UBL3: variants seen among roughly 807,000 people sequenced by gnomAD.
UBL3 encodes the protein ubiquitin like 3.
A neutral mutation model predicts 18.4 loss-of-function variants in UBL3; 6 were observed. The observed-to-expected ratio is 0.33, with a 90% CI of 0.18 to 0.64. UBL3 has a LOEUF of 0.64. Among genes scored for constraint, UBL3 ranks in the 30% least tolerant of loss-of-function variants. The probability of loss-of-function intolerance (pLI) is 0.76; values close to 1 mark genes in which losing one functional copy is unlikely to be tolerated. For synonymous variants in UBL3, 49 were observed against 46.6 expected (o/e 1.05, Z -0.21); for missense variants, 109 against 142.9 (o/e 0.76, Z 1.21).
chr13:29,804,508 A>C (rs1430066218), intron 1 of UBL3, among the ~76,000 whole-genome samples: 1 of 152,124 alleles, frequency 6.6e-6, no homozygotes, highest in Non-Finnish European at 1.5e-5. Flanking sequence ...AGATGTGAAA[A>C]ACCATACAAA....
intron 1 of UBL3, among the ~76,000 whole-genome samples, chr13:29,827,771 G>A (rs1010911437): frequency 6.6e-6 from 1 of 152,186 alleles, no homozygotes; most frequent in African/African-American, 2.4e-5. Flanking sequence ...TTTCTTCCTA[G>A]CATTGATGGT....
intron 1 of UBL3, among the ~76,000 whole-genome samples, chr13:29,794,095 C>T (rs938417932): frequency 1.3e-5 from 2 of 152,176 alleles, no homozygotes; most frequent in African/African-American, 4.8e-5. Flanking sequence ...ATCCACTCGC[C>T]TCACCCTCCC....
At chr13:29,805,274 C>T (rs1408953884) in intron 1 of UBL3, among the ~76,000 whole-genome samples, 2 of 152,164 alleles carry the variant, frequency 1.3e-5, no homozygotes, top group Non-Finnish European at 2.9e-5. Flanking sequence ...AGCAGCTTTC[C>T]ACAGTAATTC....
chr13:29,797,235 G>A (rs546278468), intron 1 of UBL3, among the ~76,000 whole-genome samples: 1 of 152,136 alleles, frequency 6.6e-6, no homozygotes, highest in East Asian at 1.9e-4. Context: ...GGTCAGAAAA[G>A]GAAAAAGAGA....
chr13:29,832,377 G>C (rs1389373160), intron 1 of UBL3, among the ~76,000 whole-genome samples: 2 of 150,056 alleles, frequency 1.3e-5, no homozygotes, highest in African/African-American at 4.9e-5. Flanking sequence ...CTTTCGCCCA[G>C]GCCAGACTGC....
intron 1 of UBL3, among the ~76,000 whole-genome samples, chr13:29,787,289 C>T (rs1216095951): frequency 6.6e-6 from 1 of 151,986 alleles, no homozygotes; most frequent in East Asian, 1.9e-4. Context: ...CACGTAAGTC[C>T]CTAATAGTTA....
chr13:29,805,946 T>A (rs71434759), intron 1 of UBL3, among the ~76,000 whole-genome samples: 1 of 152,076 alleles, frequency 6.6e-6, no homozygotes, highest in African/African-American at 2.4e-5. Context: ...GAGGCCAAGG[T>A]GGGCAGATCA....
At chr13:29,823,348 T>A (rs1452927724) in intron 1 of UBL3, among the ~76,000 whole-genome samples, 2 of 152,028 alleles carry the variant, frequency 1.3e-5, no homozygotes, top group Non-Finnish European at 2.9e-5. Flanking sequence ...TCCATGTTTG[T>A]CAGGCTGGTC....
At chr13:29,789,024 C>T (rs991345120) in intron 1 of UBL3, among the ~76,000 whole-genome samples, 6 of 152,046 alleles carry the variant, frequency 3.9e-5, no homozygotes, top group Non-Finnish European at 8.8e-5. Context: ...CTCAGCCTCT[C>T]AAGTGGCTGG....
chr13:29,845,520 G>T (rs1231254630), intron 1 of UBL3, among the ~76,000 whole-genome samples: 1 of 151,902 alleles, frequency 6.6e-6, no homozygotes, highest in East Asian at 1.9e-4. Context: ...TTCCTTTCAT[G>T]GCATTTTCTC....
intron 1 of UBL3, among the ~76,000 whole-genome samples, chr13:29,835,123 TAA>T (rs1566001033): frequency 4.4e-4 from 8 of 18,112 alleles, no homozygotes; most frequent in African/African-American, 1.9e-3. Context: ...TATATATATA[TAA>T]ATATATATAT....
intron 1 of UBL3, among the ~76,000 whole-genome samples, chr13:29,824,490 G>T (rs979383388): frequency 8.5e-5 from 13 of 152,174 alleles, no homozygotes; most frequent in Non-Finnish European, 5.9e-5. Flanking sequence ...CGTGCCCATT[G>T]GCTGCATAAA....
chr13:29,840,522 A>C (rs1259281999), intron 1 of UBL3, among the ~76,000 whole-genome samples: 2 of 146,060 alleles, frequency 1.4e-5, no homozygotes, highest in Non-Finnish European at 3.0e-5. Context: ...ACTTTACAAG[A>C]AATTAAAATT....
intron 1 of UBL3, among the ~76,000 whole-genome samples, chr13:29,840,507 C>CA (rs1475332461): frequency 6.6e-6 from 1 of 151,798 alleles, no homozygotes; most frequent in Non-Finnish European, 1.5e-5. Context: ...CTAAATCTGT[C>CA]AAATACTTTA....
intron 1 of UBL3, among the ~76,000 whole-genome samples, chr13:29,795,662 G>A (rs1877589741): frequency 6.7e-6 from 1 of 148,866 alleles, no homozygotes; most frequent in Admixed American, 6.8e-5. Flanking sequence ...GCTTGTGCCT[G>A]TAATCGCAGC....
At chr13:29,837,152 A>G (rs192932228) in intron 1 of UBL3, among the ~76,000 whole-genome samples, 2 of 152,198 alleles carry the variant, frequency 1.3e-5, no homozygotes, top group Non-Finnish European at 2.9e-5. Flanking sequence ...CATAATTCAG[A>G]TTCTCTATAA....
chr13:29,769,490 C>T (rs1191452765), intron 3 of UBL3, among the ~76,000 whole-genome samples: 2 of 151,958 alleles, frequency 1.3e-5, no homozygotes, highest in African/African-American at 4.8e-5. Flanking sequence ...CAACCTTTAG[C>T]GTACATAAAA....
rs557227364 is a variant in UBL3, at chr13:29,788,832, T to A, written c.28-11569A>T. Among the ~76,000 whole-genome samples the A allele has an allele frequency of 6.1e-4, 91 of 148,330 alleles. 2 individuals carry two copies. In the South Asian group the frequency reaches 0.019, roughly 30 times the overall value. On this transcript the variant is annotated intron_variant, in intron 1 of 4. Transcript: ENST00000380680. ...GCCAGGGAATGGAGGTAGGGCTTAATGGGGAAGTGTGTGTGTGTGTGTGTG... is the reference window on the plus strand; with the variant it reads ...GCCAGGGAATGGAGGTAGGGCTTAAAGGGGAAGTGTGTGTGTGTGTGTGTG...
intron 1 of UBL3, among the ~76,000 whole-genome samples, chr13:29,800,530 A>G (rs1263963254): frequency 6.6e-6 from 1 of 152,264 alleles, no homozygotes. Context: ...AGAAGAAAAA[A>G]AGCTATGACA....
Sources: gnomAD v4.1 joint callset for allele counts (sites outside exome capture counted in the v4.1 genomes callset) on GRCh38, gnomAD v4.1.1 for gene constraint, MANE v1.5 for transcripts, NCBI Gene and HGNC (gene_info 2026-07-23, HGNC 2026-07-21) for gene names.